LRBA: variants seen among roughly 807,000 people sequenced by gnomAD.
The protein encoded by LRBA is lipopolysaccharide-responsive and beige-like anchor protein.
LRBA carries 176 observed loss-of-function variants against 330.0 expected under a neutral mutation model. The ratio of observed to expected loss-of-function variants is 0.53; its 90% CI spans 0.47 to 0.60. The LOEUF is 0.60. Among genes scored for constraint, LRBA ranks in the 20% least tolerant of loss-of-function variants. The pLI is 0.00. For synonymous variants in LRBA, 1,230 were observed against 1,193.0 expected (o/e 1.03, Z -0.64); for missense variants, 3,259 against 3,444.8 (o/e 0.95, Z 1.35).
intron 40 of LRBA, among the ~76,000 whole-genome samples, chr4:150,555,872 G>A (rs960743658): frequency 4.6e-5 from 7 of 151,728 alleles, no homozygotes; most frequent in South Asian, 2.1e-4. Flanking sequence ...GTGCAATCGC[G>A]GCTCACTGCA....
chr4:150,383,814 C>T (rs569952818), intron 47 of LRBA, among the ~76,000 whole-genome samples: 13 of 152,120 alleles, frequency 8.5e-5, no homozygotes, highest in South Asian at 4.2e-4. Flanking sequence ...AAAAGCCTTA[C>T]GTTAGAACAA....
At chr4:150,728,076 A>G (rs1200213139) in intron 36 of LRBA, among the ~76,000 whole-genome samples, 1 of 152,180 alleles carries the variant, frequency 6.6e-6, no homozygotes, top group Non-Finnish European at 1.5e-5. Context: ...GGCTACTATG[A>G]GCAACTATAT....
At chr4:150,468,139 CT>C (rs562695770) in intron 43 of LRBA, among the ~76,000 whole-genome samples, 8 of 151,870 alleles carry the variant, frequency 5.3e-5, no homozygotes, top group East Asian at 1.9e-4. Flanking sequence ...ATAAAATACT[CT>C]TTTTTTTATG....
intron 2 of LRBA, among the ~76,000 whole-genome samples, chr4:150,989,502 A>G (rs887279524): frequency 6.6e-6 from 1 of 152,012 alleles, no homozygotes; most frequent in African/African-American, 2.4e-5. Context: ...AGTCCCAGCT[A>G]CTCAGGAGGC....
intron 36 of LRBA, among the ~76,000 whole-genome samples, chr4:150,731,395 T>C (rs1730437578): frequency 6.6e-6 from 1 of 152,140 alleles, no homozygotes. Flanking sequence ...AACCTATATG[T>C]CCAGCAAAAG....
intron 36 of LRBA, among the ~76,000 whole-genome samples, chr4:150,727,943 A>G (rs2127111592): frequency 6.6e-6 from 1 of 152,278 alleles, no homozygotes; most frequent in East Asian, 1.9e-4. Context: ...CTTCTTGAAA[A>G]GATAAACAAA....
chr4:150,335,619 T>C (rs2126988081), intron 48 of LRBA, among the ~76,000 whole-genome samples: 1 of 151,776 alleles, frequency 6.6e-6, no homozygotes, highest in East Asian at 1.9e-4. Context: ...AGTAAGTGTG[T>C]GATATTATTA....
At chr4:150,882,862 C>A (rs925731726) in intron 17 of LRBA, among the ~76,000 whole-genome samples, 1 of 152,136 alleles carries the variant, frequency 6.6e-6, no homozygotes, top group African/African-American at 2.4e-5. Flanking sequence ...GTCTTCCAAG[C>A]TGTTGACCTA....
intron 36 of LRBA, among the ~76,000 whole-genome samples, chr4:150,693,210 T>C (rs1784292070): frequency 6.6e-6 from 1 of 152,220 alleles, no homozygotes; most frequent in African/African-American, 2.4e-5. Flanking sequence ...AAACATAATG[T>C]TGAAATAAAA....
At chr4:150,472,672 T>C (rs748585823) in intron 42 of LRBA, among the ~76,000 whole-genome samples, 32 of 152,106 alleles carry the variant, frequency 2.1e-4, no homozygotes, top group Non-Finnish European at 4.1e-4. Context: ...TACAGGCAAC[T>C]AGCAATCTAC....
chr4:150,588,423 A>G (rs1772390666), intron 39 of LRBA, among the ~76,000 whole-genome samples: 1 of 152,208 alleles, frequency 6.6e-6, no homozygotes, highest in Admixed American at 6.5e-5. Flanking sequence ...CTAGGATGCA[A>G]TTATTTTACA....
intron 2 of LRBA, among the ~76,000 whole-genome samples, chr4:150,940,978 G>A (rs978699047): frequency 2.0e-5 from 3 of 151,830 alleles, no homozygotes; most frequent in Admixed American, 1.3e-4. Context: ...CTTGCTTTCA[G>A]TGTATCTACT....
intron 36 of LRBA, among the ~76,000 whole-genome samples, chr4:150,726,737 C>T (rs1355772855): frequency 1.3e-5 from 2 of 152,108 alleles, no homozygotes; most frequent in Non-Finnish European, 2.9e-5. Context: ...CCCCAGTGAT[C>T]CAATCACTTG....
intron 47 of LRBA, among the ~76,000 whole-genome samples, chr4:150,406,319 A>G (rs1746187903): frequency 6.6e-6 from 1 of 152,140 alleles, no homozygotes; most frequent in African/African-American, 2.4e-5. Context: ...GGATTATGCT[A>G]TTGGATGCTA....
chr4:150,674,551 A>G (rs1053151089), intron 37 of LRBA, among the ~76,000 whole-genome samples: 2 of 152,164 alleles, frequency 1.3e-5, no homozygotes, highest in Admixed American at 6.6e-5. Flanking sequence ...TCCCTGGCAA[A>G]TTGTAAACAC....
chr4:150,899,626 T>C (rs1296166602), intron 14 of LRBA, among the ~76,000 whole-genome samples: 1 of 152,208 alleles, frequency 6.6e-6, no homozygotes, highest in Non-Finnish European at 1.5e-5. Flanking sequence ...CATTTTGTAA[T>C]TTCATTATCT....
rs1299836224 is a variant in LRBA at position 150,373,166 on chromosome 4, TGTGTGTGA to T, written c.7195-23015_7195-23008del. On this transcript the variant is annotated intron_variant, in intron 47 of 56. Transcript: ENST00000651943. ...GTGTGTGTGTGTGTGTGTGTGTGTGTGTGTGTGAGAGAGAGAGAGAGAGAGAGAGAGAG... is the reference window on the plus strand; with the variant it reads ...GTGTGTGTGTGTGTGTGTGTGTGTGTGAGAGAGAGAGAGAGAGAGAGAGAG... 4.5e-3 allele frequency among the ~76,000 whole-genome samples: 546 copies of T among 122,176 alleles called. 1 individual carries two copies. Among genetic ancestry groups the T allele is most frequent in the African/African-American group, 0.01 (349 of 34,522 alleles). 80.2% of individuals were successfully genotyped at this position (122,176 alleles called of 152,430 possible).
intron 48 of LRBA, among the ~76,000 whole-genome samples, chr4:150,328,390 A>G (rs1733561805): frequency 6.6e-6 from 1 of 152,020 alleles, no homozygotes; most frequent in Non-Finnish European, 1.5e-5. Context: ...AGAGAAATTT[A>G]AGTTACTTTT....
At chr4:150,436,645 C>A in intron 45 of LRBA, 79 bp downstream of exon 45, 2 of 1,204,404 alleles carry the variant, frequency 1.7e-6, no homozygotes, top group South Asian at 1.6e-5. Flanking sequence ...AAAAAATATG[C>A]TTATGAGTTC....
Sources: gnomAD v4.1 joint callset for allele counts (sites outside exome capture counted in the v4.1 genomes callset) on GRCh38, gnomAD v4.1.1 for gene constraint, MANE v1.5 for transcripts, NCBI Gene and HGNC (gene_info 2026-07-23, HGNC 2026-07-21) for gene names.